Variants in PLCB1 observed in about 807,000 individuals in gnomAD.
PLCB1 encodes 1-phosphatidylinositol 4,5-bisphosphate phosphodiesterase beta-1.
PLCB1 carries 46 observed loss-of-function variants against 161.8 expected under a neutral mutation model. The ratio of observed to expected loss-of-function variants is 0.28; its 90% CI spans 0.22 to 0.36. The LOEUF (loss-of-function observed/expected upper bound fraction) is 0.36, where lower values mean the gene tolerates loss of function less well. Ranked by LOEUF, PLCB1 falls within the 10% of genes least tolerant of loss-of-function variation. The probability of loss-of-function intolerance (pLI) is 1.00; values close to 1 mark genes in which losing one functional copy is unlikely to be tolerated. For synonymous variants in PLCB1, 517 were observed against 503.7 expected (o/e 1.03, Z -0.35); for missense variants, 1,016 against 1,472.5 (o/e 0.69, Z 5.07).
At chr20:8,486,327 G>A (rs1201054138) in intron 3 of PLCB1, among the ~76,000 whole-genome samples, 6 of 152,032 alleles carry the variant, frequency 3.9e-5, no homozygotes, top group Admixed American at 6.6e-5. Context: ...ATTCTAACCC[G>A]TTCAGATGTA....
At chr20:8,776,772 A>G (rs1357562012) in intron 27 of PLCB1, among the ~76,000 whole-genome samples, 1 of 152,196 alleles carries the variant, frequency 6.6e-6, no homozygotes, top group African/African-American at 2.4e-5. Flanking sequence ...TATGGAGCTT[A>G]TATTGTAGAA....
intron 2 of PLCB1, among the ~76,000 whole-genome samples, chr20:8,280,198 T>G (rs1271860417): frequency 1.3e-5 from 2 of 151,904 alleles, no homozygotes; most frequent in African/African-American, 4.8e-5. Context: ...TAGCTGGGCT[T>G]GGTGGCAGGA....
At chr20:8,545,310 G>A (rs1327611781) in intron 3 of PLCB1, among the ~76,000 whole-genome samples, 1 of 152,208 alleles carries the variant, frequency 6.6e-6, no homozygotes, top group Non-Finnish European at 1.5e-5. Context: ...AGTGTGATAT[G>A]GAAGAGGAGG....
intron 3 of PLCB1, among the ~76,000 whole-genome samples, chr20:8,510,923 T>G (rs984175069): frequency 1.3e-5 from 2 of 152,212 alleles, no homozygotes; most frequent in Non-Finnish European, 2.9e-5. Context: ...GCTATGTGTA[T>G]ATATTGTTGA....
intron 10 of PLCB1, among the ~76,000 whole-genome samples, chr20:8,686,909 C>G (rs138838702): frequency 4.3e-4 from 65 of 152,258 alleles, no homozygotes; most frequent in African/African-American, 1.3e-3. Flanking sequence ...AATTTGGACC[C>G]TGAACATTGC....
intron 3 of PLCB1, among the ~76,000 whole-genome samples, chr20:8,511,484 G>A (rs765291227): frequency 2.6e-5 from 4 of 152,128 alleles, no homozygotes; most frequent in African/African-American, 2.4e-5. Context: ...CAAGAACATA[G>A]GAGAGTGGAT....
intron 3 of PLCB1, among the ~76,000 whole-genome samples, chr20:8,612,153 T>C (rs943489768): frequency 6.6e-6 from 1 of 152,142 alleles, no homozygotes; most frequent in African/African-American, 2.4e-5. Context: ...GGGCAAAGAC[T>C]GTGCCACATT....
intron 3 of PLCB1, among the ~76,000 whole-genome samples, chr20:8,525,623 GACTT>G (rs1984556245): frequency 6.6e-6 from 1 of 152,096 alleles, no homozygotes; most frequent in South Asian, 2.1e-4. Flanking sequence ...TGGAAAAACT[GACTT>G]AATTTTCTTG....
In PLCB1 at chr20:8,504,989, C is replaced by T. The variant is rs74348174; in HGVS notation, c.247-123305C>T. Among the ~76,000 whole-genome samples the T allele has an allele frequency of 5.1e-3, 779 of 152,224 alleles. 5 individuals carry two copies. Among genetic ancestry groups the T allele is most frequent in the African/African-American group, 0.017 (719 of 41,530 alleles). On this transcript the variant is annotated intron_variant, in intron 3 of 31. Transcript: ENST00000338037. ...TCAAGTAATCCTTCTACCTCAACCT[C>T]TAGAGTAGCTAGGACTACATCACCA...
At position 8,496,583 on chromosome 20, in the gene PLCB1, G is replaced by A. The variant is rs1021570900; in HGVS notation, c.246+125133G>A. ...TTTCTCATGGGCCCCTTTAGTAAAT[G>A]CTGATGGACAAGATTCACAGGCCAT... On this transcript the variant is annotated intron_variant, in intron 3 of 31. Coordinates refer to ENST00000338037, the MANE Select transcript of PLCB1 (RefSeq NM_015192.4). 2.6e-5 allele frequency among the ~76,000 whole-genome samples: 4 copies of A among 152,284 alleles called. No individual in the cohort carries two copies. The East Asian group carries it at 5.8e-4, about 22-fold the overall frequency.
intron 31 of PLCB1, among the ~76,000 whole-genome samples, chr20:8,836,084 G>C (rs1471459145): frequency 5.9e-5 from 9 of 151,994 alleles, no homozygotes; most frequent in African/African-American, 2.2e-4. Context: ...GAGTGACGGG[G>C]CCCTGTGTCT....
chr20:8,489,460 TTATG>T (rs1261993360), intron 3 of PLCB1, among the ~76,000 whole-genome samples: 3 of 152,224 alleles, frequency 2.0e-5, no homozygotes, highest in African/African-American at 7.2e-5. Context: ...CTTCCTGTCT[TTATG>T]TAACTGCTCA....
intron 31 of PLCB1, among the ~76,000 whole-genome samples, chr20:8,839,644 G>A (rs1224609553): frequency 6.6e-6 from 1 of 151,590 alleles, no homozygotes; most frequent in Non-Finnish European, 1.5e-5. Context: ...AAAAATCACA[G>A]GTAATAAAGC....
At chr20:8,179,201 C>T (rs549443181) in intron 2 of PLCB1, among the ~76,000 whole-genome samples, 2 of 152,092 alleles carry the variant, frequency 1.3e-5, no homozygotes, top group East Asian at 1.9e-4. Flanking sequence ...AGAATAGCAT[C>T]GAGTTTGTAC....
intron 26 of PLCB1, among the ~76,000 whole-genome samples, chr20:8,769,323 A>G (rs986853307): frequency 1.3e-5 from 2 of 152,152 alleles, no homozygotes; most frequent in Non-Finnish European, 2.9e-5. Flanking sequence ...AAAAAAGTGT[A>G]TCGTTTAGAA....
At chr20:8,265,559 C>T (rs2294258) in intron 2 of PLCB1, among the ~76,000 whole-genome samples, 33,272 of 151,906 alleles carry the variant, frequency 0.22, 3,810 homozygotes, top group East Asian at 0.34. Context: ...TTTTGGGGCA[C>T]CTACTATTAT....
chr20:8,153,372 T>G (rs1179095760), intron 2 of PLCB1, among the ~76,000 whole-genome samples: 1 of 152,106 alleles, frequency 6.6e-6, no homozygotes, highest in African/African-American at 2.4e-5. Context: ...GTTTTTCTTG[T>G]GTAAGTGTAG....
chr20:8,374,364 CTG>C (rs1987003317), intron 3 of PLCB1, among the ~76,000 whole-genome samples: 2 of 152,192 alleles, frequency 1.3e-5, no homozygotes, highest in East Asian at 1.9e-4. Context: ...CCATGCAAAA[CTG>C]TGAGTCAGTT....
intron 9 of PLCB1, among the ~76,000 whole-genome samples, chr20:8,680,356 T>C (rs1990183491): frequency 6.6e-6 from 1 of 152,226 alleles, no homozygotes; most frequent in Non-Finnish European, 1.5e-5. Flanking sequence ...GGCTAATTCA[T>C]TATGACAAAA....
Sources: gnomAD v4.1 joint callset for allele counts (sites outside exome capture counted in the v4.1 genomes callset) on GRCh38, gnomAD v4.1.1 for gene constraint, MANE v1.5 for transcripts, NCBI Gene and HGNC (gene_info 2026-07-23, HGNC 2026-07-21) for gene names.